The following FLRT2 variants were observed in gnomAD, a reference collection of about 807,000 sequenced individuals.
FLRT2 encodes fibronectin leucine rich transmembrane protein 2.
In FLRT2, 15 loss-of-function variants were observed where a neutral mutation model predicts 40.0. The ratio of observed to expected loss-of-function variants is 0.38; its 90% CI spans 0.25 to 0.58. The LOEUF (loss-of-function observed/expected upper bound fraction) is 0.58, where lower values mean the gene tolerates loss of function less well. Ranked by LOEUF, FLRT2 falls within the 20% of genes least tolerant of loss-of-function variation. FLRT2 has a pLI of 0.71. For synonymous variants in FLRT2, 380 were observed against 336.8 expected (o/e 1.13, Z -1.41); for missense variants, 726 against 840.0 (o/e 0.86, Z 1.68).
At chr14:85,560,929 TCTC>T (rs1890274487) in intron 1 of FLRT2, 1 of 152,170 alleles carries the variant, frequency 6.6e-6, no homozygotes, top group South Asian at 2.1e-4. Context: ...CTTTAATTAC[TCTC>T]CTAATTATAA....
rs1894303589 is a variant in FLRT2, at chr14:85,646,348, T to G, written c.*22851T>G. The stretch of plus-strand genomic sequence containing the variant: ...CCTTTTTGTCTGTAGTTAAATGTGA[T>G]GTGAGGAAATACCAAAGCTCATGGT... On this transcript the variant is annotated 3_prime_UTR_variant, in exon 2 of 2. Transcript: ENST00000330753. 6.6e-6 allele frequency: 1 copy of G among 152,202 alleles called. No homozygotes were observed. The highest frequency in any genetic ancestry group is 2.4e-5 in the African/African-American group (1 of 41,456). 9.4% of individuals were successfully genotyped at this position (152,202 alleles called of 1,614,324 possible).
At position 85,643,817 on chromosome 14, in the gene FLRT2, T is replaced by G. The variant is rs1331499205; in HGVS notation, c.*20320T>G. On this transcript the variant is annotated 3_prime_UTR_variant, in exon 2 of 2. Transcript: ENST00000330753. ...TGTTTAAGTGGGGTTGGTGGAATCCTGGAGTGACAGAGAACAAACGACAAC... is the reference window on the plus strand; with the variant it reads ...TGTTTAAGTGGGGTTGGTGGAATCCGGGAGTGACAGAGAACAAACGACAAC... 1.3e-5 allele frequency: 2 copies of G among 152,224 alleles called. No individual in the cohort carries two copies. The highest frequency in any genetic ancestry group is 1.3e-4 in the Admixed American group (2 of 15,272). The allele number at this position is 152,224 out of a possible 1,614,324, so 9.4% of individuals were successfully genotyped here.
rs1287975460 is a variant in FLRT2, at chr14:85,626,623, T to C, written c.*3126T>C. 6.0e-6 allele frequency: 1 copy of C among 167,084 alleles called. No individual in the cohort carries two copies. Among genetic ancestry groups the C allele is most frequent in the Non-Finnish European group, 1.5e-5 (1 of 68,130 alleles). The allele number at this position is 167,084 out of a possible 1,614,324, so 10.4% of individuals were successfully genotyped here. ...ATTATAGAGAGACTCTGGGCCACCCTCAAACACCGTCAGATGCATTAGCAG... is the reference window on the plus strand; with the variant it reads ...ATTATAGAGAGACTCTGGGCCACCCCCAAACACCGTCAGATGCATTAGCAG... On this transcript the variant is annotated 3_prime_UTR_variant, in exon 2 of 2. Coordinates refer to ENST00000330753, the MANE Select transcript of FLRT2 (RefSeq NM_013231.6).
chr14:85,550,590 A>G (rs564145712), intron 1 of FLRT2, among the ~76,000 whole-genome samples: 42 of 152,344 alleles, frequency 2.8e-4, no homozygotes, highest in African/African-American at 9.4e-4. Context: ...TGAAAACCCT[A>G]AAGTCATGCA....
intron 1 of FLRT2, among the ~76,000 whole-genome samples, chr14:85,583,902 A>T (rs1178793240): frequency 6.6e-6 from 1 of 151,498 alleles, no homozygotes; most frequent in East Asian, 2.0e-4. Context: ...AGCTGGGAGG[A>T]TCCCTTGAGC....
rs1894192633 is a variant in FLRT2 at position 85,643,186 on chromosome 14, T to C, written c.*19689T>C. 6.6e-6 allele frequency: 1 copy of C among 152,148 alleles called. No individual in the cohort carries two copies. The highest frequency in any genetic ancestry group is 1.5e-5 in the Non-Finnish European group (1 of 68,040). 9.4% of individuals were successfully genotyped at this position (152,148 alleles called of 1,614,324 possible). On this transcript the variant is annotated 3_prime_UTR_variant, in exon 2 of 2. Transcript: ENST00000330753. ...CATATGAAATTTAGGGGCACATAAA[T>C]ATACAGTCCATAACAGGGAGATAGG...
chr14:85,623,077 C>T lies in FLRT2; in HGVS notation c.1563C>T (p.Asn521=), dbSNP rs754192258. The T allele has an allele frequency of 2.8e-5, 46 of 1,614,152 alleles. No homozygotes were observed. In the East Asian group the frequency reaches 3.1e-4, roughly 11 times the overall value. Residue 521 remains asparagine, a synonymous_variant, in exon 2 of 2, where the codon AAC becomes AAT. Coordinates refer to ENST00000330753, the MANE Select transcript of FLRT2 (RefSeq NM_013231.6). Reference sequence around the variant, plus strand: ...CCACCCATGCCTCCTATCTGAACAACGGCAGCAACACAGCGTCCAGCCATG... The same window carrying T: ...CCACCCATGCCTCCTATCTGAACAATGGCAGCAACACAGCGTCCAGCCATG... ...EATTHASYLN[N]GSNTASSHEQ...
Position 85,621,611 on chromosome 14 carries a change from C to T in FLRT2, c.97C>T (p.Leu33Phe), listed in dbSNP as rs1376985128. The T allele has an allele frequency of 1.2e-6, 2 of 1,614,040 alleles. No individual in the cohort carries two copies. Among genetic ancestry groups the T allele is most frequent in the Non-Finnish European group, 1.7e-6 (2 of 1,180,038 alleles). Reference protein sequence around the residue: ...SLGLYSQVSKLLACPSVCRCD... With the variant: ...SLGLYSQVSKFLACPSVCRCD... ...GGGGCTCTACTCACAGGTGTCCAAACTCCTGGCCTGCCCTAGTGTGTGCCG... is the reference window on the plus strand; with the variant it reads ...GGGGCTCTACTCACAGGTGTCCAAATTCCTGGCCTGCCCTAGTGTGTGCCG... Residue 33 changes from leucine (L) to phenylalanine (F), a missense_variant, in exon 2 of 2, where the codon CTC becomes TTC. By Grantham distance (22) the Leu-to-Phe change is conservative. This residue lies in a region of FLRT2 where 106 missense variants were observed against 121.2 expected (regional missense o/e 0.87). Coordinates refer to ENST00000330753, the MANE Select transcript of FLRT2 (RefSeq NM_013231.6).
At chr14:85,610,719 C>T (rs1176322685) in intron 1 of FLRT2, among the ~76,000 whole-genome samples, 2 of 152,086 alleles carry the variant, frequency 1.3e-5, no homozygotes, top group Admixed American at 1.3e-4. Context: ...CACCCTGAAT[C>T]CCCCATCCTT....
At chr14:85,572,059 ATG>A (rs1890915570) in intron 1 of FLRT2, among the ~76,000 whole-genome samples, 1 of 152,184 alleles carries the variant, frequency 6.6e-6, no homozygotes, top group Non-Finnish European at 1.5e-5. Flanking sequence ...CTAGACAGCT[ATG>A]GCCTCACTGT....
chr14:85,549,627 G>C (rs2139822550), intron 1 of FLRT2, among the ~76,000 whole-genome samples: 1 of 152,298 alleles, frequency 6.6e-6, no homozygotes, highest in Non-Finnish European at 1.5e-5. Flanking sequence ...CTTGGTGCTT[G>C]TGTTTGTGGC....
chr14:85,608,917 G>A (rs1289761571), intron 1 of FLRT2, among the ~76,000 whole-genome samples: 2 of 152,108 alleles, frequency 1.3e-5, no homozygotes, highest in African/African-American at 2.4e-5. Context: ...AAAAGTGTAG[G>A]CACTTTGCCT....
chr14:85,564,176 A>ACATAGGGAATATTTCAGC (rs1890507659), intron 1 of FLRT2, among the ~76,000 whole-genome samples: 1 of 152,236 alleles, frequency 6.6e-6, no homozygotes, highest in East Asian at 1.9e-4. Flanking sequence ...CTCTGCCTGT[A>ACATAGGGAATATTTCAGC]CATAGGGAAT....
chr14:85,544,469 C>T (rs1222410578), intron 1 of FLRT2, among the ~76,000 whole-genome samples: 1 of 152,124 alleles, frequency 6.6e-6, no homozygotes, highest in African/African-American at 2.4e-5. Context: ...AAATTTTGTG[C>T]ATTTGCTCTC....
rs1196616514 is a variant in FLRT2 at position 85,622,606 on chromosome 14, C to T, written c.1092C>T (p.Thr364=). 2 of 1,613,512 alleles carry T rather than the reference C, an allele frequency of 1.2e-6. No individual in the cohort carries two copies. The highest frequency in any genetic ancestry group is 1.7e-6 in the Non-Finnish European group (2 of 1,179,972). ...NMNLLSCPTT[T]PGLPLFTPAP... ...ATCTTTTGTCCTGTCCCACCACGAC[C>T]CCCGGCCTGCCTCTCTTCACCCCAG... The change falls in exon 2 of 2, where the codon ACC becomes ACT. Residue 364 remains threonine (T), a synonymous_variant. Transcript: ENST00000330753.
rs1566762429 is a variant in FLRT2 at position 85,622,156 on chromosome 14, C to T, written c.642C>T (p.Asn214=). The change falls in exon 2 of 2, where the codon AAC becomes AAT. Residue 214 remains asparagine, a synonymous_variant. Coordinates refer to ENST00000330753, the MANE Select transcript of FLRT2 (RefSeq NM_013231.6). ...TSLERLIVDG[N]LLTNKGIAEG... Reference sequence around the variant, plus strand: ...TGGAGCGTCTTATTGTGGACGGGAACCTCCTGACCAACAAGGGTATCGCCG... The same window carrying T: ...TGGAGCGTCTTATTGTGGACGGGAATCTCCTGACCAACAAGGGTATCGCCG... 1 of 1,614,154 alleles carries T rather than the reference C, an allele frequency of 6.2e-7. No individual in the cohort carries two copies. Among genetic ancestry groups the T allele is most frequent in the Non-Finnish European group, 8.5e-7 (1 of 1,180,020 alleles).
chr14:85,581,973 T>A (rs1183884625), intron 1 of FLRT2, among the ~76,000 whole-genome samples: 1 of 152,224 alleles, frequency 6.6e-6, no homozygotes, highest in Non-Finnish European at 1.5e-5. Flanking sequence ...GGTTGACAGC[T>A]GTGTCTGTAA....
In FLRT2 at chr14:85,637,923, C is replaced by T. The variant is rs1710582131; in HGVS notation, c.*14426C>T. The T allele has an allele frequency of 6.6e-6, 1 of 152,150 alleles. No homozygotes were observed. Among genetic ancestry groups the T allele is most frequent in the South Asian group, 2.1e-4 (1 of 4,824 alleles). The allele number at this position is 152,150 out of a possible 1,614,324, so 9.4% of individuals were successfully genotyped here. On this transcript the variant is annotated 3_prime_UTR_variant, in exon 2 of 2. Coordinates refer to ENST00000330753, the MANE Select transcript of FLRT2 (RefSeq NM_013231.6). ...AAGGGAATTTAAATTCTCTCTTGTCCTTACTCTGCTCCACCATCCTCCACT... is the reference window on the plus strand; with the variant it reads ...AAGGGAATTTAAATTCTCTCTTGTCTTTACTCTGCTCCACCATCCTCCACT...
intron 1 of FLRT2, among the ~76,000 whole-genome samples, chr14:85,609,448 A>T (rs895540616): frequency 1.1e-4 from 16 of 152,134 alleles, no homozygotes; most frequent in Non-Finnish European, 2.2e-4. Context: ...AGTTGGGGAG[A>T]TAGAACATTT....
Sources: gnomAD v4.1 joint callset for allele counts (sites outside exome capture counted in the v4.1 genomes callset) on GRCh38, gnomAD v4.1.1 for gene constraint, gnomAD v4.1.1 regional missense constraint, MANE v1.5 for transcripts, NCBI Gene and HGNC (gene_info 2026-07-23, HGNC 2026-07-21) for gene names.